TRAF3: variants seen among roughly 807,000 people sequenced by gnomAD.
TRAF3 encodes the protein TNF receptor-associated factor 3.
In TRAF3, 13 loss-of-function variants were observed where a neutral mutation model predicts 62.3. That is an observed-to-expected ratio of 0.21 (90% CI 0.14 to 0.33). TRAF3 has a LOEUF of 0.33. Among genes scored for constraint, TRAF3 ranks in the 10% least tolerant of loss-of-function variants. The pLI is 1.00. For missense variants in TRAF3, 440 were observed against 741.8 expected, an observed-to-expected ratio of 0.59 and a Z score of 4.73; for synonymous variants, 269 against 283.4, an observed-to-expected ratio of 0.95 and a Z score of 0.51.
In TRAF3 at chr14:102,872,471, G is replaced by T. The variant is rs1353043000; in HGVS notation, c.297+503G>T. On this transcript the variant is annotated intron_variant, in intron 4 of 11. Transcript: ENST00000392745. ...TATCTTTAAGTCATTAGACATGAGTGAGATTAGCCCCTTCTCGCCCCCTGT... is the reference window on the plus strand; with the variant it reads ...TATCTTTAAGTCATTAGACATGAGTTAGATTAGCCCCTTCTCGCCCCCTGT... Among the ~76,000 whole-genome samples the T allele has an allele frequency of 4.6e-5, 7 of 152,208 alleles. No homozygotes were observed. In the East Asian group the frequency reaches 1.3e-3, roughly 29 times the overall value.
chr14:102,812,325 C>T (rs900317104), intron 1 of TRAF3, among the ~76,000 whole-genome samples: 31 of 152,190 alleles, frequency 2.0e-4, no homozygotes, highest in African/African-American at 5.5e-4. Flanking sequence ...TTGCTGTGAA[C>T]GACAGGATTT....
chr14:102,884,380 T>C (rs1452823196), intron 6 of TRAF3, among the ~76,000 whole-genome samples: 2 of 152,224 alleles, frequency 1.3e-5, no homozygotes, highest in Non-Finnish European at 1.5e-5. Context: ...TAAGGTCACA[T>C]TCTGAGGTTC....
chr14:102,859,183 T>A (rs1887546578), intron 2 of TRAF3, among the ~76,000 whole-genome samples: 1 of 137,952 alleles, frequency 7.2e-6, no homozygotes, highest in Non-Finnish European at 1.5e-5. Context: ...CTTAACCCTT[T>A]AATTTAGGCC....
chr14:102,889,331 T>G (rs1446207905), intron 7 of TRAF3, among the ~76,000 whole-genome samples: 1 of 152,258 alleles, frequency 6.6e-6, no homozygotes, highest in Non-Finnish European at 1.5e-5. Flanking sequence ...ACTGGAAGTT[T>G]AAGAAATGTT....
intron 6 of TRAF3, among the ~76,000 whole-genome samples, chr14:102,877,768 C>G (rs954534030): frequency 3.4e-5 from 5 of 148,498 alleles, no homozygotes; most frequent in African/African-American, 1.2e-4. Context: ...ACAGGCCTTC[C>G]GCTCAGCTCA....
chr14:102,901,212 C>A (rs1890279901), intron 10 of TRAF3, among the ~76,000 whole-genome samples: 1 of 152,158 alleles, frequency 6.6e-6, no homozygotes, highest in Non-Finnish European at 1.5e-5. Context: ...TGCTTGAGGT[C>A]AGGCGTGCCC....
chr14:102,855,833 T>C (rs1887332380), intron 2 of TRAF3, among the ~76,000 whole-genome samples: 1 of 150,772 alleles, frequency 6.6e-6, no homozygotes, highest in Admixed American at 6.6e-5. Flanking sequence ...GGCTCATGCC[T>C]GTAATTCCAA....
Position 102,837,140 on chromosome 14 carries a change from G to GTA in TRAF3, c.-18+6669_-18+6670insAT, listed in dbSNP as rs1566765632. The stretch of plus-strand genomic sequence containing the variant: ...AATTTGTGTGTGTGTGTGTGTGTGT[G>GTA]TGTTTTTTTTGGGGGGGGGTGAAGG... On this transcript the variant is annotated intron_variant, in intron 2 of 11. Transcript: ENST00000392745. Among the ~76,000 whole-genome samples the GTA allele has an allele frequency of 8.0e-3, 818 of 102,200 alleles. 9 individuals carry two copies. The highest frequency in any genetic ancestry group is 0.013 in the Admixed American group (139 of 10,348). The allele number at this position is 102,200 out of a possible 152,430, so 67.0% of individuals were successfully genotyped here.
intron 1 of TRAF3, chr14:102,810,729 A>C (rs1325811370): frequency 6.6e-6 from 1 of 152,264 alleles, no homozygotes; most frequent in Non-Finnish European, 1.5e-5. Flanking sequence ...CAAGAGAAAG[A>C]CAACAATTCT....
In TRAF3 at chr14:102,814,942, C is replaced by T. The variant is rs1899424941; in HGVS notation, c.-156-15392C>T. On this transcript the variant is annotated intron_variant, in intron 1 of 11. Transcript: ENST00000392745. ...TTTTGGTATCCTTTTCTTTTCTTTT[C>T]TTTCTTTTTCTGAGACAGAATCTCG... Among the ~76,000 whole-genome samples, 5 of 151,984 alleles carry T rather than the reference C, an allele frequency of 3.3e-5. No individual in the cohort carries two copies. The South Asian group carries it at 1.0e-3, about 32-fold the overall frequency.
rs370695937 is a variant in TRAF3, at chr14:102,903,449, C to T, written c.1135+20C>T. The T allele has an allele frequency of 1.4e-5, 22 of 1,612,810 alleles. No homozygotes were observed. In the African/African-American group the frequency reaches 1.6e-4, roughly 12 times the overall value. On this transcript the variant is annotated intron_variant, in intron 11 of 11. Transcript: ENST00000392745. This position sits in a 1 kb window ranked among gnomAD's most constrained non-coding sequence, Gnocchi z 6.4. The stretch of plus-strand genomic sequence containing the variant: ...ACACAGGTGAGGCAGGGGCCGGGGC[C>T]GGGCCAGCAGTGTGCATCTGGGCCC...
intron 9 of TRAF3, among the ~76,000 whole-genome samples, chr14:102,894,573 C>T (rs990449577): frequency 6.6e-6 from 1 of 152,074 alleles, no homozygotes; most frequent in Non-Finnish European, 1.5e-5. Flanking sequence ...CATCTCCCTG[C>T]TAGAAGAGTG....
chr14:102,785,580 CTATTCATCTTGAA>C, intron 1 of TRAF3, among the ~76,000 whole-genome samples: 1 of 152,204 alleles, frequency 6.6e-6, no homozygotes, highest in Admixed American at 6.5e-5. Flanking sequence ...AGGCTAGTAC[CTATTCATCTTGAA>C]TTTAATTATA....
chr14:102,812,242 G>A (rs1899228401), intron 1 of TRAF3, among the ~76,000 whole-genome samples: 1 of 151,918 alleles, frequency 6.6e-6, no homozygotes, highest in South Asian at 2.1e-4. Flanking sequence ...ATGTATTAGT[G>A]AGAACATGTG....
At chr14:102,901,699 A>T (rs1404397952) in intron 10 of TRAF3, among the ~76,000 whole-genome samples, 1 of 152,258 alleles carries the variant, frequency 6.6e-6, no homozygotes, top group Non-Finnish European at 1.5e-5. Flanking sequence ...AACTAATATC[A>T]TGTTTCTTGG....
intron 2 of TRAF3, among the ~76,000 whole-genome samples, chr14:102,833,006 G>A (rs1169350379): frequency 1.3e-5 from 2 of 152,154 alleles, no homozygotes; most frequent in South Asian, 2.1e-4. Context: ...CTCTCCTGGG[G>A]TGGGGGAGGT....
At chr14:102,795,763 A>G (rs1215150920) in intron 1 of TRAF3, among the ~76,000 whole-genome samples, 1 of 152,044 alleles carries the variant, frequency 6.6e-6, no homozygotes, top group African/African-American at 2.4e-5. Flanking sequence ...CCCTTATTCC[A>G]GAGAGGGCCC....
At chr14:102,841,800 A>T (rs781092301) in intron 2 of TRAF3, among the ~76,000 whole-genome samples, 1 of 152,242 alleles carries the variant, frequency 6.6e-6, no homozygotes, top group Non-Finnish European at 1.5e-5. Context: ...AAGACAAGGG[A>T]TGATGCAATT....
chr14:102,804,821 T>A (rs9783665), intron 1 of TRAF3, among the ~76,000 whole-genome samples: 79,928 of 151,948 alleles, frequency 0.53, 23,414 homozygotes, highest in South Asian at 0.74. Flanking sequence ...GGTCCTTTTT[T>A]TCTAAAATTC....
Sources: allele counts gnomAD v4.1 joint callset (sites outside exome capture counted in the v4.1 genomes callset), GRCh38; gene constraint gnomAD v4.1.1; non-coding constraint Gnocchi (gnomAD v3.1); transcripts MANE v1.5; gene names NCBI Gene and HGNC (gene_info 2026-07-23, HGNC 2026-07-21).